Variants in CCDC125 observed in about 807,000 individuals in gnomAD.
CCDC125 encodes the protein coiled-coil domain containing 125, also known as coiled-coil domain-containing protein 125.
Under a neutral mutation model 57.4 loss-of-function variants are expected in CCDC125, and 43 were observed. The ratio of observed to expected loss-of-function variants is 0.75; its 90% CI spans 0.59 to 0.97. CCDC125 has a LOEUF of 0.97. Among genes scored for constraint, CCDC125 ranks in the 50% least tolerant of loss-of-function variants. CCDC125 has a pLI of 0.00. For synonymous variants in CCDC125, 187 were observed against 195.2 expected, an observed-to-expected ratio of 0.96 and a Z score of 0.35; for missense variants, 563 against 595.7, an observed-to-expected ratio of 0.95 and a Z score of 0.57.
rs186989872 is a variant in CCDC125, at chr5:69,292,718, C to T, written c.925-356G>A. Among the ~76,000 whole-genome samples the T allele has an allele frequency of 4.1e-4, 63 of 152,260 alleles. 1 individual carries two copies. The highest frequency in any genetic ancestry group is 1.4e-3 in the South Asian group (7 of 4,828). ...GGCTGCATTTCAACTCAGCTTTGGGCCATTCCAGACCACACCACTGAAAAT... is the reference window on the plus strand; with the variant it reads ...GGCTGCATTTCAACTCAGCTTTGGGTCATTCCAGACCACACCACTGAAAAT... On this transcript the variant is annotated intron_variant, in intron 9 of 11. Coordinates refer to ENST00000396496, the MANE Select transcript of CCDC125 (RefSeq NM_176816.5).
the CCDC125 span, among the ~76,000 whole-genome samples, chr5:69,274,581 C>T: frequency 6.6e-6 from 1 of 152,096 alleles, no homozygotes; most frequent in Non-Finnish European, 1.5e-5. Flanking sequence ...TTTATATGGG[C>T]TTCATCTTTC....
intron 1 of CCDC125, among the ~76,000 whole-genome samples, chr5:69,321,543 T>C (rs539714521): frequency 5.8e-4 from 89 of 152,328 alleles, no homozygotes; most frequent in African/African-American, 2.0e-3. Flanking sequence ...CTGTACAACA[T>C]GGTATAGCAC....
chr5:69,307,836 G>T, intron 5 of CCDC125, 115 bp downstream of exon 5: 1 of 744,026 alleles, frequency 1.3e-6, no homozygotes, highest in Non-Finnish European at 2.4e-6. Flanking sequence ...CAGAACTGAA[G>T]CACACCTAGC....
chr5:69,279,489 C>T (rs565994184), downstream of CCDC125, among the ~76,000 whole-genome samples: 19 of 152,316 alleles, frequency 1.2e-4, no homozygotes, highest in African/African-American at 4.1e-4. Context: ...AGCCACCGTG[C>T]CCGGCCGCTC....
At chr5:69,296,277 C>T (rs890835594) in intron 8 of CCDC125, among the ~76,000 whole-genome samples, 6 of 152,006 alleles carry the variant, frequency 3.9e-5, no homozygotes, top group Non-Finnish European at 4.4e-5. Flanking sequence ...TCTGGCCAGG[C>T]GCGGTGGCTC....
intron 7 of CCDC125, among the ~76,000 whole-genome samples, chr5:69,302,051 C>A (rs1372593248): frequency 6.6e-6 from 1 of 150,860 alleles, no homozygotes; most frequent in Non-Finnish European, 1.5e-5. Context: ...TCACTGCACT[C>A]CAAACTGGGC....
chr5:69,319,367 C>CA (rs1759653230), intron 2 of CCDC125, among the ~76,000 whole-genome samples: 1 of 149,660 alleles, frequency 6.7e-6, no homozygotes, highest in Admixed American at 6.6e-5. Context: ...TATTTGACTG[C>CA]AAAAAAAAGT....
At chr5:69,293,029 T>C (rs1031691156) in intron 9 of CCDC125, among the ~76,000 whole-genome samples, 3 of 151,912 alleles carry the variant, frequency 2.0e-5, no homozygotes, top group South Asian at 2.1e-4. Context: ...TTAGTAGAGA[T>C]GGGGTTTCAC....
At chr5:69,313,233 G>A in intron 3 of CCDC125, 1 of 485,830 alleles carries the variant, frequency 2.1e-6, no homozygotes, top group Non-Finnish European at 3.8e-6. Flanking sequence ...GGTCTGTTTG[G>A]CAACTGGGGT....
chr5:69,311,667 A>G lies in CCDC125; in HGVS notation c.367-463T>C, dbSNP rs527830141. Among the ~76,000 whole-genome samples the G allele has an allele frequency of 6.6e-5, 10 of 151,396 alleles. No homozygotes were observed. The East Asian group carries it at 2.0e-3, about 30-fold the overall frequency. ...TCTGTCTCAATTAAAAAAATAAAAA[A>G]TAGCTGGGCATGGTGGCTCACACCT... is the stretch of plus-strand genomic sequence containing the variant. On this transcript the variant is annotated intron_variant, in intron 3 of 11. Transcript: ENST00000396496.
chr5:69,285,267 C>T, intron 11 of CCDC125, 70 bp downstream of exon 11: 3 of 1,535,332 alleles, frequency 2.0e-6, no homozygotes, highest in Non-Finnish European at 2.6e-6. Context: ...GGGCTGCATG[C>T]TCCCCACGGA....
chr5:69,328,694 T>G (rs1392646006), intron 1 of CCDC125, among the ~76,000 whole-genome samples: 1 of 152,150 alleles, frequency 6.6e-6, no homozygotes, highest in Non-Finnish European at 1.5e-5. Flanking sequence ...ATATTGTATT[T>G]TAACAGTACT....
chr5:69,294,038 A>C, intron 9 of CCDC125: 1 of 472,912 alleles, frequency 2.1e-6, no homozygotes, highest in Non-Finnish European at 2.8e-6. Flanking sequence ...CCACACAGCT[A>C]GTAAATGGTG....
chr5:69,327,030 C>T (rs978872941), intron 1 of CCDC125, among the ~76,000 whole-genome samples: 2 of 151,974 alleles, frequency 1.3e-5, no homozygotes, highest in African/African-American at 4.8e-5. Flanking sequence ...AGAGCAAGAC[C>T]CTGTCTCTAA....
At position 69,311,106 on chromosome 5, in the gene CCDC125, A is replaced by G; in HGVS notation, c.453+12T>C. ...ATGTGTAAATGGTGAAAGTTTAAAA[A>G]CAACTTCTTACCATGCTTTGAAGAA... On this transcript the variant is annotated intron_variant, in intron 4 of 11. Coordinates refer to ENST00000396496, the MANE Select transcript of CCDC125 (RefSeq NM_176816.5). The G allele has an allele frequency of 1.3e-6, 2 of 1,571,146 alleles. No individual in the cohort carries two copies. The highest frequency in any genetic ancestry group is 1.7e-6 in the Non-Finnish European group (2 of 1,146,052).
intron 10 of CCDC125, among the ~76,000 whole-genome samples, chr5:69,286,322 C>T (rs1369128900): frequency 6.7e-6 from 1 of 148,814 alleles, no homozygotes; most frequent in Non-Finnish European, 1.5e-5. Flanking sequence ...AGCTCCGCCT[C>T]CCGGGTTCGC....
intron 1 of CCDC125, among the ~76,000 whole-genome samples, chr5:69,322,771 C>T (rs1760230091): frequency 6.6e-6 from 1 of 151,272 alleles, no homozygotes; most frequent in Admixed American, 6.6e-5. Flanking sequence ...CCATGTTGGT[C>T]AGGCTGGTCT....
chr5:69,329,067 A>G (rs1283641245), intron 1 of CCDC125, among the ~76,000 whole-genome samples: 2 of 152,248 alleles, frequency 1.3e-5, no homozygotes, highest in African/African-American at 4.8e-5. Context: ...TGCTGGGATT[A>G]GAGGCGTGAG....
chr5:69,287,510 A>G (rs4976188), intron 10 of CCDC125, among the ~76,000 whole-genome samples: 78,896 of 151,362 alleles, frequency 0.52, 20,788 homozygotes, highest in Middle Eastern at 0.57. Flanking sequence ...TGATCCACCC[A>G]CCTCAGCCTC....
Sources: gnomAD v4.1 joint callset for allele counts (sites outside exome capture counted in the v4.1 genomes callset) on GRCh38, gnomAD v4.1.1 for gene constraint, MANE v1.5 for transcripts, NCBI Gene and HGNC (gene_info 2026-07-23, HGNC 2026-07-21) for gene names.